Variants in NF2 observed in about 807,000 individuals in gnomAD.
The protein encoded by NF2 is NF2, moesin-ezrin-radixin like (MERLIN) tumor suppressor.
In NF2, 8 loss-of-function variants were observed where a neutral mutation model predicts 83.7. The ratio of observed to expected loss-of-function variants is 0.10; its 90% CI spans 0.06 to 0.17. The LOEUF is 0.17. Among genes scored for constraint, NF2 ranks in the 10% least tolerant of loss-of-function variants. The pLI, the probability that NF2 is intolerant of heterozygous loss-of-function variation, is 1.00. For synonymous variants in NF2, 266 were observed against 269.6 expected, an observed-to-expected ratio of 0.99 and a Z score of 0.13; for missense variants, 533 against 744.4, an observed-to-expected ratio of 0.72 and a Z score of 3.31.
At chr22:29,650,316 G>C (rs1417850597) in intron 4 of NF2, among the ~76,000 whole-genome samples, 1 of 152,120 alleles carries the variant, frequency 6.6e-6, no homozygotes, top group Non-Finnish European at 1.5e-5. Flanking sequence ...GAGAATACCT[G>C]TTTTTCCACA....
chr22:29,624,823 TTC>T (rs1312142531), intron 1 of NF2, among the ~76,000 whole-genome samples: 4 of 135,842 alleles, frequency 2.9e-5, no homozygotes, highest in Middle Eastern at 3.4e-3. Flanking sequence ...CTTTCTTTCT[TTC>T]TTTCTTTCTT....
At chr22:29,677,581 G>A (rs929453495) in intron 13 of NF2, among the ~76,000 whole-genome samples, 9 of 130,382 alleles carry the variant, frequency 6.9e-5, no homozygotes, top group East Asian at 4.7e-4. Context: ...TCGGTGGGCC[G>A]GTGGGGAGCC....
At position 29,696,794 on chromosome 22, in the gene NF2, C is replaced by CT; in HGVS notation, c.*1992_*1993insT. The CT allele has an allele frequency of 5.0e-6, 1 of 201,264 alleles. No individual in the cohort carries two copies. The highest frequency in any genetic ancestry group is 9.9e-6 in the Non-Finnish European group (1 of 100,610). The allele number at this position is 201,264 out of a possible 1,614,324, so 12.5% of individuals were successfully genotyped here. A position where few individuals can be genotyped will look rare whatever the true frequency, so the allele number is the denominator to read the frequency against. ...AAGTGAGGTCTGGCTCTGCCTCCTC[C>CT]GTTTTTTTTTTTTTTCTGTTTCTGT... On this transcript the variant is annotated 3_prime_UTR_variant, in exon 16 of 16. Coordinates refer to ENST00000338641, the MANE Select transcript of NF2 (RefSeq NM_000268.4).
intron 4 of NF2, among the ~76,000 whole-genome samples, chr22:29,653,615 T>C (rs1450845258): frequency 6.6e-6 from 1 of 152,210 alleles, no homozygotes; most frequent in African/African-American, 2.4e-5. Context: ...AAGTTAATGA[T>C]GAATATCTTC....
At chr22:29,647,728 A>G (rs2066021837) in intron 4 of NF2, among the ~76,000 whole-genome samples, 1 of 152,114 alleles carries the variant, frequency 6.6e-6, no homozygotes, top group Admixed American at 6.5e-5. Context: ...TTTGAGATGT[A>G]TCCATGTTGT....
intron 7 of NF2, among the ~76,000 whole-genome samples, chr22:29,660,245 T>A (rs2066438548): frequency 6.6e-6 from 1 of 152,240 alleles, no homozygotes; most frequent in African/African-American, 2.4e-5. Context: ...CTCTGACTGC[T>A]GGCCAGGACC....
chr22:29,642,125 A>AGGCC, intron 3 of NF2, 77 bp from the exon 4 acceptor site: 1 of 1,181,266 alleles, frequency 8.5e-7, no homozygotes, highest in South Asian at 1.2e-5. Flanking sequence ...GAACGCCGTG[A>AGGCC]GGCCATCTGT....
At chr22:29,613,218 A>T (rs570280760) in intron 1 of NF2, among the ~76,000 whole-genome samples, 11 of 152,220 alleles carry the variant, frequency 7.2e-5, no homozygotes, top group Non-Finnish European at 1.0e-4. Flanking sequence ...ATTTCAAGAC[A>T]TACTATAAAA....
intron 1 of NF2, 53 bp downstream of exon 1, chr22:29,604,165 AGAGGTT>A: frequency 7.0e-7 from 1 of 1,423,142 alleles, no homozygotes; most frequent in Non-Finnish European, 9.7e-7. Context: ...TGGAAGCTCG[AGAGGTT>A]CTCTTTATAT....
At chr22:29,685,393 C>G (rs540044759) in intron 15 of NF2, among the ~76,000 whole-genome samples, 41 of 151,904 alleles carry the variant, frequency 2.7e-4, no homozygotes, top group African/African-American at 9.2e-4. Flanking sequence ...TAAAAGTGAG[C>G]CACTGTGCCT....
intron 1 of NF2, chr22:29,608,937 A>G (rs1344055181): frequency 1.9e-5 from 11 of 587,802 alleles, no homozygotes; most frequent in African/African-American, 7.5e-5. Flanking sequence ...TCCATCCTCA[A>G]TGCTACCTGG....
rs2065970917 is a variant in NF2 at position 29,645,927 on chromosome 22, G to T, written c.447+3642G>T. ...CTATTTTTTCTGGTGTAAATTTTAA[G>T]GATCTTACAAATAAAGGTAATCTAT... On this transcript the variant is annotated intron_variant, in intron 4 of 15. Transcript: ENST00000338641. Among the ~76,000 whole-genome samples the T allele has an allele frequency of 2.6e-5, 4 of 152,238 alleles. No homozygotes were observed. In the South Asian group the frequency reaches 8.3e-4, roughly 32 times the overall value.
At position 29,694,854 on chromosome 22, in the gene NF2, C is replaced by T. The variant is rs370016332; in HGVS notation, c.*52C>T. The T allele has an allele frequency of 1.2e-5, 19 of 1,572,376 alleles. No homozygotes were observed. The highest frequency in any genetic ancestry group is 1.1e-4 in the African/African-American group (8 of 73,786). ...GCCACTTCTCCTGCTACCGGGACCG[C>T]GGGATGGACCAGATATCAAGAGAGC... On this transcript the variant is annotated 3_prime_UTR_variant, in exon 16 of 16. Coordinates refer to ENST00000338641, the MANE Select transcript of NF2 (RefSeq NM_000268.4). This position sits in a 1 kb window ranked among gnomAD's most constrained non-coding sequence, Gnocchi z 4.1.
At chr22:29,674,003 G>C (rs2066888493) in intron 12 of NF2, among the ~76,000 whole-genome samples, 1 of 152,182 alleles carries the variant, frequency 6.6e-6, no homozygotes, top group Non-Finnish European at 1.5e-5. Context: ...TCATGGCCAG[G>C]TTGAAGGATG....
chr22:29,635,386 T>G (rs2065621267), intron 1 of NF2, among the ~76,000 whole-genome samples: 1 of 152,146 alleles, frequency 6.6e-6, no homozygotes, highest in Admixed American at 6.5e-5. Context: ...TGGAGTGCAG[T>G]GGCATGATCT....
At chr22:29,652,174 A>ACC (rs537763791) in intron 4 of NF2, among the ~76,000 whole-genome samples, 1 of 151,606 alleles carries the variant, frequency 6.6e-6, no homozygotes, top group Non-Finnish European at 1.5e-5. Context: ...GTACTTCAGC[A>ACC]CCCCCCCACT....
intron 9 of NF2, among the ~76,000 whole-genome samples, chr22:29,667,618 C>A (rs1480596855): frequency 6.6e-6 from 1 of 152,118 alleles, no homozygotes; most frequent in African/African-American, 2.4e-5. Context: ...AACTCCTGGG[C>A]TCAAGGATCC....
In NF2 at chr22:29,695,022, C is replaced by A; in HGVS notation, c.*220C>A. 1.6e-6 allele frequency: 1 copy of A among 616,342 alleles called. No homozygotes were observed. The highest frequency in any genetic ancestry group is 2.9e-6 in the Non-Finnish European group (1 of 347,118). The allele number at this position is 616,342 out of a possible 1,614,324, so 38.2% of individuals were successfully genotyped here. On this transcript the variant is annotated 3_prime_UTR_variant, in exon 16 of 16. Coordinates refer to ENST00000338641, the MANE Select transcript of NF2 (RefSeq NM_000268.4). This position sits in a 1 kb window ranked among gnomAD's most constrained non-coding sequence, Gnocchi z 5.4. ...CTCTCATGGCGTTCTAGTTCTCTGACCTGAGTCTTTGTTTTAAGAAGTATT... is the reference window on the plus strand; with the variant it reads ...CTCTCATGGCGTTCTAGTTCTCTGAACTGAGTCTTTGTTTTAAGAAGTATT...
rs887303163 is a variant in NF2 at position 29,696,761 on chromosome 22, C to T, written c.*1959C>T. The T allele has an allele frequency of 9.8e-6, 2 of 204,566 alleles. No homozygotes were observed. The highest frequency in any genetic ancestry group is 7.2e-5 in the East Asian group (1 of 13,812). The allele number at this position is 204,566 out of a possible 1,614,324, so 12.7% of individuals were successfully genotyped here. A position where few individuals can be genotyped will look rare whatever the true frequency, so the allele number is the denominator to read the frequency against. On this transcript the variant is annotated 3_prime_UTR_variant, in exon 16 of 16. Coordinates refer to ENST00000338641, the MANE Select transcript of NF2 (RefSeq NM_000268.4). ...CCCAGCCAGGAGCGGAAGCTTCAGG[C>T]GTTTGTAAAGTGAGGTCTGGCTCTG...
Sources: allele counts gnomAD v4.1 joint callset (sites outside exome capture counted in the v4.1 genomes callset), GRCh38; gene constraint gnomAD v4.1.1; non-coding constraint Gnocchi (gnomAD v3.1); transcripts MANE v1.5; gene names NCBI Gene and HGNC (gene_info 2026-07-23, HGNC 2026-07-21).